The following INTU variants were observed in gnomAD, a reference collection of about 807,000 sequenced individuals.
INTU encodes protein inturned.
INTU carries 68 observed loss-of-function variants against 100.5 expected under a neutral mutation model. The ratio of observed to expected loss-of-function variants is 0.68; its 90% CI spans 0.56 to 0.83. The LOEUF (loss-of-function observed/expected upper bound fraction) is 0.83. INTU is among the 40% of genes least tolerant of loss of function. The probability of loss-of-function intolerance (pLI) is 0.00; values close to 1 mark genes in which losing one functional copy is unlikely to be tolerated. For missense variants in INTU, 1,071 were observed against 1,114.7 expected (o/e 0.96, Z 0.56); for synonymous variants, 357 against 395.7 (o/e 0.90, Z 1.16).
chr4:127,685,275 G>A (rs1192085511), intron 7 of INTU, among the ~76,000 whole-genome samples: 8 of 152,002 alleles, frequency 5.3e-5, no homozygotes, highest in Admixed American at 2.0e-4. Context: ...TTCTCTTAGT[G>A]ACTTTTGTTC....
intron 2 of INTU, among the ~76,000 whole-genome samples, chr4:127,654,014 A>C (rs1424550088): frequency 6.6e-6 from 1 of 150,844 alleles, no homozygotes; most frequent in Non-Finnish European, 1.5e-5. Context: ...GTTGGTTTAA[A>C]GTCTGTTTTA....
At chr4:127,687,960 G>A (rs1482753907) in intron 8 of INTU, 93 bp downstream of exon 8, 10 of 893,354 alleles carry the variant, frequency 1.1e-5, no homozygotes, top group Admixed American at 3.6e-5. Flanking sequence ...TGTTATTTTT[G>A]GAATTATGGT....
chr4:127,704,816 G>C (rs1320023472), intron 10 of INTU, among the ~76,000 whole-genome samples: 2 of 151,960 alleles, frequency 1.3e-5, no homozygotes, highest in African/African-American at 2.4e-5. Flanking sequence ...AGCTGGGCAT[G>C]GTGGCTCACA....
intron 9 of INTU, among the ~76,000 whole-genome samples, chr4:127,702,409 G>C (rs1730687971): frequency 6.6e-6 from 1 of 152,112 alleles, no homozygotes; most frequent in African/African-American, 2.4e-5. Flanking sequence ...AACTTTATTT[G>C]TAATAGCCAA....
In INTU at chr4:127,702,192, T is replaced by TA. The variant is rs979186647; in HGVS notation, c.1504-2026dup. On this transcript the variant is annotated intron_variant, in intron 9 of 15. Transcript: ENST00000335251. ...ATCTATTTTGATTCCTTAGATACAG[T>TA]AAAAAAAAAAGAAAGAAAACCATAA... Among the ~76,000 whole-genome samples, 385 of 146,478 alleles carry TA rather than the reference T, an allele frequency of 2.6e-3. 1 individual carries two copies. The highest frequency in any genetic ancestry group is 0.011 in the East Asian group (55 of 5,070).
chr4:127,718,175 G>T lies in INTU; in HGVS notation c.*1739G>T, dbSNP rs541239501. ...ATTTTTTGTATAAGGTATGAGGAAT[G>T]GGTCCAGTTTCTATTTTCTGCATAT... On this transcript the variant is annotated 3_prime_UTR_variant, in exon 16 of 16. Coordinates refer to ENST00000335251, the MANE Select transcript of INTU (RefSeq NM_015693.4). 5.9e-5 allele frequency: 9 copies of T among 152,256 alleles called. No homozygotes were observed. Among genetic ancestry groups the T allele is most frequent in the Non-Finnish European group, 1.3e-4 (9 of 68,012 alleles). The allele number at this position is 152,256 out of a possible 1,614,324, so 9.4% of individuals were successfully genotyped here.
In INTU at chr4:127,705,005, T is replaced by C. The variant is rs145461402; in HGVS notation, c.1567-586T>C. Among the ~76,000 whole-genome samples the C allele has an allele frequency of 3.4e-4, 52 of 151,900 alleles. No homozygotes were observed. In the East Asian group the frequency reaches 9.3e-3, roughly 27 times the overall value. On this transcript the variant is annotated intron_variant, in intron 10 of 15. Coordinates refer to ENST00000335251, the MANE Select transcript of INTU (RefSeq NM_015693.4). ...TACTCAGGAGGCTGAGGCAGGAGAA[T>C]GGTGTGAACCCGGGAAGCAGAAGCT... is the stretch of plus-strand genomic sequence containing the variant.
chr4:127,695,310 C>CAA (rs1730333847), intron 8 of INTU, among the ~76,000 whole-genome samples: 1 of 152,086 alleles, frequency 6.6e-6, no homozygotes, highest in South Asian at 2.1e-4. Flanking sequence ...TATAGGAAAG[C>CAA]AATTGACTTC....
chr4:127,639,829 A>G (rs549892219), intron 1 of INTU, among the ~76,000 whole-genome samples: 68 of 152,260 alleles, frequency 4.5e-4, no homozygotes, highest in Non-Finnish European at 8.1e-4. Flanking sequence ...ATTGTTAACT[A>G]TAGTCTCCCT....
intron 11 of INTU, 67 bp from the exon 12 acceptor site, chr4:127,706,420 A>T: frequency 1.5e-6 from 2 of 1,340,462 alleles, no homozygotes; most frequent in Non-Finnish European, 1.0e-6. Context: ...ATAAGTTTAT[A>T]CATGCACATT....
Position 127,718,856 on chromosome 4 carries a change from G to C in INTU, c.*2420G>C, listed in dbSNP as rs1203306263. 2 of 152,242 alleles carry C rather than the reference G, an allele frequency of 1.3e-5. No homozygotes were observed. Among genetic ancestry groups the C allele is most frequent in the African/African-American group, 4.8e-5 (2 of 41,452 alleles). The allele number at this position is 152,242 out of a possible 1,614,324, so 9.4% of individuals were successfully genotyped here. A position where few individuals can be genotyped will look rare whatever the true frequency, so the allele number is the denominator to read the frequency against. On this transcript the variant is annotated 3_prime_UTR_variant, in exon 16 of 16. Coordinates refer to ENST00000335251, the MANE Select transcript of INTU (RefSeq NM_015693.4). ...TTTTGTATCTTGAGACTTTGCTGAA[G>C]TTGCTTATCAGCTTAAGAAGCTTTT...
chr4:127,707,667 C>CT (rs1316343129), intron 12 of INTU, among the ~76,000 whole-genome samples: 6 of 151,710 alleles, frequency 4.0e-5, no homozygotes, highest in Admixed American at 3.9e-4. Flanking sequence ...GTGTATGTCT[C>CT]TGTGTGTATT....
rs1343559800 is a variant in INTU at position 127,720,724 on chromosome 4, G to C, written c.*4288G>C. On this transcript the variant is annotated 3_prime_UTR_variant, in exon 16 of 16. Transcript: ENST00000335251. ...TCTTGTTGAATTGACCCCTTTACCAGTATGTAATGCCTTTGTCTTTTTTTT... is the reference window on the plus strand; with the variant it reads ...TCTTGTTGAATTGACCCCTTTACCACTATGTAATGCCTTTGTCTTTTTTTT... The C allele has an allele frequency of 1.3e-5, 2 of 152,130 alleles. No individual in the cohort carries two copies. Among genetic ancestry groups the C allele is most frequent in the East Asian group, 3.9e-4 (2 of 5,160 alleles). 9.4% of individuals were successfully genotyped at this position (152,130 alleles called of 1,614,324 possible). A position where few individuals can be genotyped will look rare whatever the true frequency, so the allele number is the denominator to read the frequency against.
At chr4:127,705,525 A>C in intron 10 of INTU, 66 bp from the exon 11 acceptor site, 3 of 1,198,790 alleles carry the variant, frequency 2.5e-6, no homozygotes, top group Non-Finnish European at 3.7e-6. Context: ...TGAAACTCTT[A>C]GAAATATTAT....
At chr4:127,705,177 T>G (rs1267496688) in intron 10 of INTU, among the ~76,000 whole-genome samples, 4 of 152,150 alleles carry the variant, frequency 2.6e-5, no homozygotes, top group Non-Finnish European at 5.9e-5. Flanking sequence ...TCAAATGAAT[T>G]TAAGTACTTT....
rs1174235879 is a variant in INTU, at chr4:127,684,400, CT to C, written c.1182-3del. ...TTGTAAATTAATACGTGTAATTTTG[CT>C]TTTTTAGAGTTCCTCTTCCTCGTCT... On this transcript the variant is annotated splice_polypyrimidine_tract_variant and splice_region_variant and intron_variant, in intron 6 of 15. Coordinates refer to ENST00000335251, the MANE Select transcript of INTU (RefSeq NM_015693.4). 1.9e-6 allele frequency: 3 copies of C among 1,564,536 alleles called. No homozygotes were observed. The highest frequency in any genetic ancestry group is 1.7e-6 in the Non-Finnish European group (2 of 1,148,498).
intron 8 of INTU, among the ~76,000 whole-genome samples, chr4:127,691,649 A>T (rs1049643842): frequency 6.6e-6 from 1 of 151,954 alleles, no homozygotes; most frequent in East Asian, 1.9e-4. Flanking sequence ...GGTTACATGA[A>T]TAAGTCCATT....
chr4:127,691,613 A>G (rs1237405401), intron 8 of INTU, among the ~76,000 whole-genome samples: 1 of 151,768 alleles, frequency 6.6e-6, no homozygotes, highest in Non-Finnish European at 1.5e-5. Flanking sequence ...TTAATTCGGT[A>G]GGTTTTTGGG....
intron 12 of INTU, among the ~76,000 whole-genome samples, 170 bp from the exon 13 acceptor site, chr4:127,708,401 C>G (rs190925918): frequency 3.3e-5 from 5 of 152,228 alleles, no homozygotes; most frequent in African/African-American, 9.6e-5. Context: ...ACCCTGGGAT[C>G]CCTGTCAGCC....
Sources: gnomAD v4.1 joint callset for allele counts (sites outside exome capture counted in the v4.1 genomes callset) on GRCh38, gnomAD v4.1.1 for gene constraint, MANE v1.5 for transcripts, NCBI Gene and HGNC (gene_info 2026-07-23, HGNC 2026-07-21) for gene names.